The following TRPV1 variants were observed in gnomAD, a reference collection of about 807,000 sequenced individuals.
TRPV1 encodes OTRPC1.
Under a neutral mutation model 82.3 loss-of-function variants are expected in TRPV1, and 82 were observed. The ratio of observed to expected loss-of-function variants is 1.00; its 90% CI spans 0.83 to 1.20. The LOEUF is 1.20. Ranked by LOEUF, TRPV1 falls within the 50% of genes most tolerant of loss-of-function variation. TRPV1 has a pLI of 0.00. For missense variants in TRPV1, 1,067 were observed against 1,096.8 expected (o/e 0.97, Z 0.38); for synonymous variants, 515 against 467.7 (o/e 1.10, Z -1.30).
At chr17:3,600,309 C>T (rs921088175) in intron 2 of TRPV1, among the ~76,000 whole-genome samples, 4 of 152,168 alleles carry the variant, frequency 2.6e-5, no homozygotes, top group Non-Finnish European at 4.4e-5. Context: ...AGCACGGAGC[C>T]GGGCACGGTG....
Position 3,590,455 on chromosome 17 carries a change from C to T in TRPV1, c.605-63G>A, listed in dbSNP as rs935466225. The T allele has an allele frequency of 3.8e-6, 6 of 1,588,702 alleles. No individual in the cohort carries two copies. In the African/African-American group the frequency reaches 8.1e-5, roughly 21 times the overall value. On this transcript the variant is annotated intron_variant, in intron 5 of 16. Transcript: ENST00000572705. ...TCCTGTGGGGCTGCCGGGACAGGTG[C>T]TGGGGAAGGGCTCTGGGCAGGCAGC... is the stretch of plus-strand genomic sequence containing the variant.
rs1168063679 is a variant in TRPV1 at position 3,586,282 on chromosome 17, C to T, written c.1225-356G>A. ...TGGGAAGTAGTTGGCTTAGGCAGAG[C>T]CTGGGCATGAGGGGCTCAGGGCAGG... On this transcript the variant is annotated intron_variant, in intron 8 of 16. Coordinates refer to ENST00000572705, the MANE Select transcript of TRPV1 (RefSeq NM_080704.4). Among the ~76,000 whole-genome samples the T allele has an allele frequency of 3.3e-5, 5 of 152,324 alleles. No individual in the cohort carries two copies. In the East Asian group the frequency reaches 9.6e-4, roughly 29 times the overall value.
intron 2 of TRPV1, among the ~76,000 whole-genome samples, chr17:3,593,168 A>G (rs1303508239): frequency 6.6e-6 from 1 of 150,796 alleles, no homozygotes; most frequent in Non-Finnish European, 1.5e-5. Flanking sequence ...CCCAGACTAG[A>G]GTGCAATGGG....
intron 2 of TRPV1, chr17:3,592,732 A>C: frequency 1.0e-5 from 2 of 198,446 alleles, no homozygotes; most frequent in African/African-American, 2.3e-5. Flanking sequence ...GTTGATAACC[A>C]CCGCGCTGCC....
At chr17:3,571,921 G>A (rs1320734458) in intron 15 of TRPV1, among the ~76,000 whole-genome samples, 4 of 152,090 alleles carry the variant, frequency 2.6e-5, no homozygotes, top group African/African-American at 9.7e-5. Flanking sequence ...TTAGTGTCTG[G>A]GCCCCACCAG....
chr17:3,590,017 G>A lies in TRPV1; in HGVS notation c.834C>T (p.Ile278=). The change falls in exon 7 of 17, where the codon ATC becomes ATT. Residue 278 remains isoleucine, a synonymous_variant. Transcript: ENST00000572705. ...TGTTGCCCACCGAGTCCCTGGCGCTGATGTCGGCCGTCTGCCAGGAGTTCT... is the reference window on the plus strand; with the variant it reads ...TGTTGCCCACCGAGTCCCTGGCGCTAATGTCGGCCGTCTGCCAGGAGTTCT... ...LLQNSWQTAD[I]SARDSVGNTV... 6.4e-7 allele frequency: 1 copy of A among 1,567,064 alleles called. No individual in the cohort carries two copies. The highest frequency in any genetic ancestry group is 1.2e-5 in the South Asian group (1 of 85,772).
intron 10 of TRPV1, among the ~76,000 whole-genome samples, chr17:3,582,375 A>C (rs1413080597): frequency 6.6e-6 from 1 of 151,754 alleles, no homozygotes; most frequent in East Asian, 1.9e-4. Flanking sequence ...CCATCTTATA[A>C]AAATTAAAAT....
intron 2 of TRPV1, among the ~76,000 whole-genome samples, chr17:3,594,151 AAGAAGCAGC>A (rs1287139526): frequency 0.027 from 2,800 of 102,776 alleles, 60 homozygotes; most frequent in African/African-American, 0.11. Context: ...AAAAAAAAAA[AAGAAGCAGC>A]AGCAGCAGCA....
At position 3,566,974 on chromosome 17, in the gene TRPV1, G is replaced by A; in HGVS notation, c.2361C>T (p.His787=). 6.2e-7 allele frequency: 1 copy of A among 1,613,912 alleles called. No homozygotes were observed. Among genetic ancestry groups the A allele is most frequent in the Non-Finnish European group, 8.5e-7 (1 of 1,179,858 alleles). ...GGGGGACCAGGGCAAAGTTCTTCCA[G>A]TGTCTGCCTGAAACTGAAGGGTAAC... ...SLRSSRVSGR[H]WKNFALVPLL... is the part of the protein sequence containing the mutation. The change falls in exon 17 of 17, where the codon CAC becomes CAT. Residue 787 remains histidine, a synonymous_variant. Transcript: ENST00000572705.
intron 13 of TRPV1, among the ~76,000 whole-genome samples, chr17:3,574,224 C>T (rs548790872): frequency 1.3e-5 from 2 of 152,306 alleles, no homozygotes; most frequent in South Asian, 2.1e-4. Context: ...CTTAACCATA[C>T]GTGTCAGCTC....
chr17:3,570,130 C>A (rs1234999395), intron 16 of TRPV1, among the ~76,000 whole-genome samples: 1 of 152,138 alleles, frequency 6.6e-6, no homozygotes, highest in Non-Finnish European at 1.5e-5. Flanking sequence ...TGGCTCACAC[C>A]TGTCATCCCA....
chr17:3,582,392 A>G (rs2075032468), intron 10 of TRPV1, among the ~76,000 whole-genome samples: 1 of 151,728 alleles, frequency 6.6e-6, no homozygotes, highest in Admixed American at 6.6e-5. Flanking sequence ...AAATTAAAAT[A>G]CTACAAGGGT....
chr17:3,567,085 C>T (rs2074773860), intron 16 of TRPV1, 98 bp from the exon 17 acceptor site: 18 of 1,379,226 alleles, frequency 1.3e-5, no homozygotes, highest in Middle Eastern at 3.9e-4. Context: ...AAGACAGGCA[C>T]GATGGCTCAT....
rs776641646 is a variant in TRPV1, at chr17:3,591,134, G to GGGTCAGGGCA, written c.452-28_452-19dup. The GGGTCAGGGCA allele has an allele frequency of 6.2e-7, 1 of 1,611,180 alleles. No homozygotes were observed. Among genetic ancestry groups the GGGTCAGGGCA allele is most frequent in the Non-Finnish European group, 8.5e-7 (1 of 1,178,816 alleles). On this transcript the variant is annotated intron_variant, in intron 4 of 16. Coordinates refer to ENST00000572705, the MANE Select transcript of TRPV1 (RefSeq NM_080704.4). ...CTCAGGGTCTGAAAGACATAAGGGAGGGTCAGGGCAGGCCAGGGCTGGGGC... is the reference window on the plus strand; with the variant it reads ...CTCAGGGTCTGAAAGACATAAGGGAGGGTCAGGGCAGGTCAGGGCAGGCCAGGGCTGGGGC...
At chr17:3,595,723 T>G in intron 2 of TRPV1, 1 of 152,260 alleles carries the variant, frequency 6.6e-6, no homozygotes, top group Non-Finnish European at 1.5e-5. Context: ...GGCGTTGCCT[T>G]TTCCTCTGAC....
intron 14 of TRPV1, among the ~76,000 whole-genome samples, chr17:3,572,862 A>C (rs1264676471): frequency 2.6e-5 from 4 of 152,080 alleles, no homozygotes; most frequent in Non-Finnish European, 5.9e-5. Context: ...GGGTGCCTGC[A>C]ATCCCAGCTA....
Position 3,593,267 on chromosome 17 carries a change from G to A in TRPV1, c.-33-884C>T, listed in dbSNP as rs552161659. On this transcript the variant is annotated intron_variant, in intron 2 of 16. Coordinates refer to ENST00000572705, the MANE Select transcript of TRPV1 (RefSeq NM_080704.4). ...CAAGTAGCTGGGATTACAGGCGCCCGCCACCATGCGTGGCTAATGTTTGTA... is the reference window on the plus strand; with the variant it reads ...CAAGTAGCTGGGATTACAGGCGCCCACCACCATGCGTGGCTAATGTTTGTA... Among the ~76,000 whole-genome samples, 62 of 152,186 alleles carry A rather than the reference G, an allele frequency of 4.1e-4. 2 individuals carry two copies. The South Asian group carries it at 8.1e-3, about 20-fold the overall frequency.
chr17:3,582,210 A>AAAAAAAAAAAAAAAAAAAAAAAAC (rs2075030035), intron 10 of TRPV1, among the ~76,000 whole-genome samples: 1 of 147,022 alleles, frequency 6.8e-6, no homozygotes, highest in Non-Finnish European at 1.5e-5. Context: ...AAAAAAAAAA[A>AAAAAAAAAAAAAAAAAAAAAAAAC]AAAATCACAG....
intron 13 of TRPV1, among the ~76,000 whole-genome samples, chr17:3,575,380 G>A (rs1297258222): frequency 1.3e-5 from 2 of 152,086 alleles, no homozygotes; most frequent in Non-Finnish European, 2.9e-5. Context: ...CTACCTGGAA[G>A]GCTGAGGCAG....
Sources: allele counts gnomAD v4.1 joint callset (sites outside exome capture counted in the v4.1 genomes callset), GRCh38; gene constraint gnomAD v4.1.1; transcripts MANE v1.5; gene names NCBI Gene and HGNC (gene_info 2026-07-23, HGNC 2026-07-21).